Variants in PHLPP1 observed in about 807,000 individuals in gnomAD.
PHLPP1 encodes the protein PH domain leucine-rich repeat-containing protein phosphatase 1.
In PHLPP1, 42 loss-of-function variants were observed where a neutral mutation model predicts 117.2. That is an observed-to-expected ratio of 0.36 (90% confidence interval 0.28 to 0.46). The LOEUF is 0.46. Among genes scored for constraint, PHLPP1 ranks in the 20% least tolerant of loss-of-function variants. The pLI, the probability that PHLPP1 is intolerant of heterozygous loss-of-function variation, is 1.00. For missense variants in PHLPP1, 2,084 were observed against 2,241.9 expected, an observed-to-expected ratio of 0.93 and a Z score of 1.42; for synonymous variants, 1,042 against 970.7, an observed-to-expected ratio of 1.07 and a Z score of -1.37.
chr18:62,834,236 G>A (rs1232910292), intron 2 of PHLPP1, among the ~76,000 whole-genome samples: 1 of 152,190 alleles, frequency 6.6e-6, no homozygotes, highest in Non-Finnish European at 1.5e-5. Flanking sequence ...GGCCTTGTAT[G>A]TTTGGATGCA....
chr18:62,807,597 A>T (rs1343541897), intron 1 of PHLPP1, among the ~76,000 whole-genome samples: 1 of 152,188 alleles, frequency 6.6e-6, no homozygotes, highest in Non-Finnish European at 1.5e-5. Flanking sequence ...TATTACACAA[A>T]CCTAGATGAT....
At chr18:62,802,229 AG>A (rs1913807654) in intron 1 of PHLPP1, among the ~76,000 whole-genome samples, 2 of 152,220 alleles carry the variant, frequency 1.3e-5, no homozygotes, top group African/African-American at 4.8e-5. Flanking sequence ...AGTGGCCCAA[AG>A]AAAGGGAGGA....
In PHLPP1 at chr18:62,754,514, T is replaced by G. The variant is rs556009194; in HGVS notation, c.1576+37255T>G. Among the ~76,000 whole-genome samples the G allele has an allele frequency of 2.6e-5, 4 of 152,340 alleles. No individual in the cohort carries two copies. The South Asian group carries it at 8.3e-4, about 32-fold the overall frequency. The stretch of plus-strand genomic sequence containing the variant: ...GGAACAAGAAGATTGCATTTTGCAG[T>G]TAACGCTGAGAGAGCAAGGTGTTTT... On this transcript the variant is annotated intron_variant, in intron 1 of 16. Coordinates refer to ENST00000262719, the MANE Select transcript of PHLPP1 (RefSeq NM_194449.4).
intron 1 of PHLPP1, among the ~76,000 whole-genome samples, chr18:62,749,305 A>G (rs1019135726): frequency 6.6e-5 from 10 of 152,082 alleles, no homozygotes; most frequent in African/African-American, 2.4e-4. Flanking sequence ...GAGTGGGGGA[A>G]AAAAGACTCT....
rs75886739 is a variant in PHLPP1, at chr18:62,773,633, A to G, written c.1576+56374A>G. Among the ~76,000 whole-genome samples the G allele has an allele frequency of 7.8e-3, 1,181 of 152,316 alleles. 18 individuals carry two copies. The highest frequency in any genetic ancestry group is 0.027 in the African/African-American group (1,131 of 41,566). On this transcript the variant is annotated intron_variant, in intron 1 of 16. Coordinates refer to ENST00000262719, the MANE Select transcript of PHLPP1 (RefSeq NM_194449.4). ...GGTTCTGTTTGTTTGTTGTTAACCA[A>G]AATGTAGTGTATCTCCACCCTAAAT...
chr18:62,853,297 A>G (rs978205408), intron 3 of PHLPP1, among the ~76,000 whole-genome samples: 14 of 152,014 alleles, frequency 9.2e-5, no homozygotes, highest in African/African-American at 2.7e-4. Context: ...CCATCGTGGT[A>G]GAAAAGTCCC....
At chr18:62,739,085 T>C (rs1043677653) in intron 1 of PHLPP1, among the ~76,000 whole-genome samples, 5 of 152,238 alleles carry the variant, frequency 3.3e-5, no homozygotes, top group African/African-American at 9.6e-5. Context: ...TACTCAAGTA[T>C]GTCTGAAGAG....
chr18:62,720,353 A>G (rs773192292), intron 1 of PHLPP1, among the ~76,000 whole-genome samples: 9 of 152,156 alleles, frequency 5.9e-5, no homozygotes, highest in East Asian at 1.9e-4. Context: ...TAGTCTAGCA[A>G]TTTCTGTTCG....
At chr18:62,965,750 C>T (rs569451269) in intron 14 of PHLPP1, among the ~76,000 whole-genome samples, 6 of 150,892 alleles carry the variant, frequency 4.0e-5, no homozygotes, top group African/African-American at 1.5e-4. Flanking sequence ...TGAGCCACTA[C>T]TCCCAACCTA....
Position 62,769,055 on chromosome 18 carries a change from AATAAAG to A in PHLPP1, c.1576+51800_1576+51805del, listed in dbSNP as rs201206000. 5.5e-3 allele frequency among the ~76,000 whole-genome samples: 831 copies of A among 152,360 alleles called. 13 individuals carry two copies. Among genetic ancestry groups the A allele is most frequent in the African/African-American group, 0.019 (791 of 41,580 alleles). ...ATATCATCTATAAATGATTGCTAAT[AATAAAG>A]ATAGACTAAGTCCTTAAAAGAATAA... On this transcript the variant is annotated intron_variant, in intron 1 of 16. Transcript: ENST00000262719.
At chr18:62,846,209 C>CAAAAAAAAAAAA (rs34577472) in intron 3 of PHLPP1, among the ~76,000 whole-genome samples, 1 of 78,678 alleles carries the variant, frequency 1.3e-5, no homozygotes, top group African/African-American at 5.2e-5. Context: ...AACTCCATCT[C>CAAAAAAAAAAAA]AAAAAAAAAA....
intron 1 of PHLPP1, among the ~76,000 whole-genome samples, chr18:62,792,203 C>A (rs1913480982): frequency 6.6e-6 from 1 of 152,174 alleles, no homozygotes; most frequent in Non-Finnish European, 1.5e-5. Flanking sequence ...TACTTATGGA[C>A]TTGGAGAGTG....
chr18:62,928,805 A>G (rs1909723158), intron 10 of PHLPP1, among the ~76,000 whole-genome samples: 1 of 152,252 alleles, frequency 6.6e-6, no homozygotes, highest in Non-Finnish European at 1.5e-5. Flanking sequence ...ATAGTGGAAT[A>G]TTATTCACCA....
At position 62,941,929 on chromosome 18, in the gene PHLPP1, G is replaced by A. The variant is rs1213359392; in HGVS notation, c.3161+11G>A. ...GAGTTTTCCAGCAAGGTAAAGGACA[G>A]TTGTAAAGCTGCGTTCTGAATTGCA... On this transcript the variant is annotated intron_variant, in intron 11 of 16. Coordinates refer to ENST00000262719, the MANE Select transcript of PHLPP1 (RefSeq NM_194449.4). The A allele has an allele frequency of 1.3e-6, 2 of 1,598,888 alleles. No homozygotes were observed. Among genetic ancestry groups the A allele is most frequent in the Non-Finnish European group, 8.6e-7 (1 of 1,167,802 alleles).
At chr18:62,840,690 A>G (rs1240445475) in intron 3 of PHLPP1, among the ~76,000 whole-genome samples, 2 of 152,208 alleles carry the variant, frequency 1.3e-5, no homozygotes, top group East Asian at 1.9e-4. Flanking sequence ...GATATTTTAA[A>G]TCAACTTTTA....
intron 4 of PHLPP1, among the ~76,000 whole-genome samples, chr18:62,887,571 C>T (rs1182581655): frequency 2.6e-5 from 4 of 152,264 alleles, no homozygotes; most frequent in East Asian, 1.9e-4. Flanking sequence ...TTCGTCCTCA[C>T]GTGGCTGAAG....
intron 3 of PHLPP1, among the ~76,000 whole-genome samples, chr18:62,852,563 T>G (rs1915384908): frequency 2.0e-5 from 3 of 152,164 alleles, no homozygotes; most frequent in African/African-American, 7.2e-5. Flanking sequence ...CAGGATGGTC[T>G]CGATCTCCTG....
intron 1 of PHLPP1, among the ~76,000 whole-genome samples, chr18:62,734,649 A>G (rs985906256): frequency 1.3e-5 from 2 of 152,260 alleles, no homozygotes; most frequent in Non-Finnish European, 2.9e-5. Flanking sequence ...TCTGACTAAA[A>G]TAAGTCATGC....
intron 10 of PHLPP1, among the ~76,000 whole-genome samples, chr18:62,930,693 C>G (rs1040264224): frequency 2.0e-5 from 3 of 152,132 alleles, no homozygotes; most frequent in African/African-American, 7.2e-5. Context: ...CCAAATAGAC[C>G]TAATAGATGT....
Sources: gnomAD v4.1 joint callset for allele counts (sites outside exome capture counted in the v4.1 genomes callset) on GRCh38, gnomAD v4.1.1 for gene constraint, MANE v1.5 for transcripts, NCBI Gene and HGNC (gene_info 2026-07-23, HGNC 2026-07-21) for gene names.